TRA2B: variants seen among roughly 807,000 people sequenced by gnomAD.
TRA2B encodes the protein transformer-2 protein homolog beta.
Under a neutral mutation model 41.7 loss-of-function variants are expected in TRA2B, and 14 were observed. The ratio of observed to expected loss-of-function variants is 0.34; its 90% CI spans 0.22 to 0.53. The LOEUF is 0.53. Among genes scored for constraint, TRA2B ranks in the 20% least tolerant of loss-of-function variants. The pLI is 0.95. For missense variants in TRA2B, 167 were observed against 396.8 expected, an observed-to-expected ratio of 0.42 and a Z score of 4.92; for synonymous variants, 130 against 128.8, an observed-to-expected ratio of 1.01 and a Z score of -0.06.
At chr3:185,927,541 G>A (rs1743998319) in intron 1 of TRA2B, 1 of 152,182 alleles carries the variant, frequency 6.6e-6, no homozygotes, top group Non-Finnish European at 1.5e-5. Context: ...ATCAAAACCA[G>A]GCAGCTAAAT....
Position 185,915,473 on chromosome 3 carries a change from C to A in TRA2B, c.*2242G>T, listed in dbSNP as rs910991788. ...GCAGCAGTTACCTAGGGGTTACCTA[C>A]GGGTAACTGCTGCCTCCCTTTCATG... On this transcript the variant is annotated 3_prime_UTR_variant, in exon 9 of 9. Coordinates refer to ENST00000453386, the MANE Select transcript of TRA2B (RefSeq NM_004593.3). Among the ~76,000 whole-genome samples the A allele has an allele frequency of 1.3e-5, 2 of 152,124 alleles. No homozygotes were observed. The highest frequency in any genetic ancestry group is 2.9e-5 in the Non-Finnish European group (2 of 68,010).
At chr3:185,918,828 G>GT (rs1425394163) in intron 7 of TRA2B, among the ~76,000 whole-genome samples, 1 of 151,858 alleles carries the variant, frequency 6.6e-6, no homozygotes, top group Admixed American at 6.6e-5. Context: ...CCAACATGGT[G>GT]AAAACCTGTC....
At chr3:185,920,614 G>A (rs1221971257) in intron 6 of TRA2B, among the ~76,000 whole-genome samples, 1 of 151,932 alleles carries the variant, frequency 6.6e-6, no homozygotes, top group Non-Finnish European at 1.5e-5. Context: ...GAGTGCAGTG[G>A]TGCAATCTAA....
chr3:185,938,002 C>A lies in TRA2B; in HGVS notation c.-142G>T. 2 of 924,298 alleles carry A rather than the reference C, an allele frequency of 2.2e-6. 1 individual carries two copies. Among genetic ancestry groups the A allele is most frequent in the Admixed American group, 4.3e-5 (2 of 46,762 alleles). The allele number at this position is 924,298 out of a possible 1,614,324, so 57.3% of individuals were successfully genotyped here. A position where few individuals can be genotyped will look rare whatever the true frequency, so the allele number is the denominator to read the frequency against. On this transcript the variant is annotated 5_prime_UTR_variant, in exon 1 of 9. Transcript: ENST00000453386. Reference sequence around the variant, plus strand: ...AGAGCCGAAATGCTCCGCACCGCCTCCGCACGGGCTCTAACTCTACCGGAT... The same window carrying A: ...AGAGCCGAAATGCTCCGCACCGCCTACGCACGGGCTCTAACTCTACCGGAT...
At chr3:185,919,567 G>T (rs1743635598) in intron 6 of TRA2B, 71 bp from the exon 7 acceptor site, 3 of 1,346,916 alleles carry the variant, frequency 2.2e-6, no homozygotes, top group Non-Finnish European at 3.1e-6. Flanking sequence ...CATTCATTTA[G>T]TAAAATAAAA....
At chr3:185,925,247 C>A (rs1005715798) in intron 3 of TRA2B, 9 of 444,544 alleles carry the variant, frequency 2.0e-5, no homozygotes, top group Middle Eastern at 6.6e-4. Context: ...TAAGGAGTTA[C>A]ACCATTGTGT....
intron 4 of TRA2B, 191 bp downstream of exon 4, chr3:185,923,605 T>C (rs1185714096): frequency 4.4e-6 from 2 of 454,906 alleles, no homozygotes; most frequent in East Asian, 7.2e-5. Flanking sequence ...ATAAAGCAGG[T>C]GGTAGGACCA....
chr3:185,936,160 T>C, intron 1 of TRA2B: 1 of 985,438 alleles, frequency 1.0e-6, no homozygotes, highest in Non-Finnish European at 1.2e-6. Flanking sequence ...GCCAGTCATT[T>C]AGTATTTTTG....
At chr3:185,925,372 A>G (rs554354277) in intron 3 of TRA2B, 92 bp downstream of exon 3, 2 of 1,452,290 alleles carry the variant, frequency 1.4e-6, no homozygotes, top group South Asian at 1.4e-5. Flanking sequence ...TCACGCACCA[A>G]CTGCTAAAGC....
At chr3:185,934,702 G>C (rs1444860631) in intron 1 of TRA2B, 2 of 985,160 alleles carry the variant, frequency 2.0e-6, no homozygotes, top group Non-Finnish European at 2.4e-6. Context: ...AGAATTTAGA[G>C]TTTAGGAGCT....
chr3:185,925,688 T>C, intron 2 of TRA2B, 62 bp from the exon 3 acceptor site: 1 of 1,492,148 alleles, frequency 6.7e-7, no homozygotes, highest in Non-Finnish European at 9.0e-7. Flanking sequence ...TTTATTACTC[T>C]GTTCTAAAGT....
chr3:185,931,935 A>AAGAAAGAATGCATGCTAATT, intron 1 of TRA2B: 1 of 1,062,666 alleles, frequency 9.4e-7, no homozygotes, highest in Non-Finnish European at 1.2e-6. Flanking sequence ...AGAAAAAAAA[A>AAGAAAGAATGCATGCTAATT]ATCCCTTTGT....
At chr3:185,921,567 A>G (rs1016779782) in intron 5 of TRA2B, among the ~76,000 whole-genome samples, 1 of 152,172 alleles carries the variant, frequency 6.6e-6, no homozygotes, top group Non-Finnish European at 1.5e-5. Flanking sequence ...GATCGAGAAC[A>G]TCCTGGCTAA....
At chr3:185,936,862 C>G (rs1744380107) in intron 1 of TRA2B, 1 of 985,182 alleles carries the variant, frequency 1.0e-6, no homozygotes, top group African/African-American at 1.7e-5. Flanking sequence ...CTGTTTAAAC[C>G]CTAGAACTGT....
At chr3:185,920,457 T>G (rs554444197) in intron 6 of TRA2B, among the ~76,000 whole-genome samples, 1 of 152,326 alleles carries the variant, frequency 6.6e-6, no homozygotes, top group East Asian at 1.9e-4. Context: ...CCTGCCTCAT[T>G]TTTTGTGGAG....
intron 1 of TRA2B, among the ~76,000 whole-genome samples, chr3:185,934,111 T>C (rs897742983): frequency 2.0e-5 from 3 of 152,158 alleles, no homozygotes; most frequent in Non-Finnish European, 2.9e-5. Flanking sequence ...TAATTCTACA[T>C]AGCCCACACC....
chr3:185,937,960 C>T lies in TRA2B; in HGVS notation c.-100G>A, dbSNP rs929003508. 29 of 1,464,438 alleles carry T rather than the reference C, an allele frequency of 2.0e-5. No individual in the cohort carries two copies. Among genetic ancestry groups the T allele is most frequent in the African/African-American group, 2.0e-4 (14 of 71,660 alleles). 90.7% of individuals were successfully genotyped at this position (1,464,438 alleles called of 1,614,324 possible). ...TCCGCCGCAGCCCCGCACGACGCGC[C>T]GGTCGCCCAGCCGCTCAGAGCCGAA... On this transcript the variant is annotated 5_prime_UTR_variant, in exon 1 of 9. Coordinates refer to ENST00000453386, the MANE Select transcript of TRA2B (RefSeq NM_004593.3).
rs1743964752 is a variant in TRA2B at position 185,926,669 on chromosome 3, A to G, written c.102T>C (p.Pro34=). 1.9e-6 allele frequency: 3 copies of G among 1,614,226 alleles called. No homozygotes were observed. The highest frequency in any genetic ancestry group is 2.5e-6 in the Non-Finnish European group (3 of 1,180,026). ...HGSGKSARHT[P]ARSRSKEDSR... ...AATCTTCCTTGGAGCGAGACCTTGC[A>G]GGGGTATGCCTTGCAGATTTCCCCG... is the stretch of plus-strand genomic sequence containing the variant. The change falls in exon 2 of 9, where the codon CCT becomes CCC. Residue 34 remains proline (P), a synonymous_variant. Transcript: ENST00000453386.
At chr3:185,929,406 G>A (rs1744067840) in intron 1 of TRA2B, among the ~76,000 whole-genome samples, 3 of 152,106 alleles carry the variant, frequency 2.0e-5, no homozygotes, top group Admixed American at 2.0e-4. Context: ...CACTCTCAGG[G>A]CTGACATGGT....
Sources: allele counts gnomAD v4.1 joint callset (sites outside exome capture counted in the v4.1 genomes callset), GRCh38; gene constraint gnomAD v4.1.1; transcripts MANE v1.5; gene names NCBI Gene and HGNC (gene_info 2026-07-23, HGNC 2026-07-21).